Variants in GOT2 observed in about 807,000 individuals in gnomAD.
GOT2 encodes glutamic-oxaloacetic transaminase 2.
In GOT2, 17 loss-of-function variants were observed where a neutral mutation model predicts 50.0. The ratio of observed to expected loss-of-function variants is 0.34; its 90% CI spans 0.23 to 0.51. The LOEUF (loss-of-function observed/expected upper bound fraction) is 0.51, where lower values mean the gene tolerates loss of function less well. Among genes scored for constraint, GOT2 ranks in the 20% least tolerant of loss-of-function variants. The pLI, the probability that GOT2 is intolerant of heterozygous loss-of-function variation, is 0.97. For missense variants in GOT2, 430 were observed against 559.6 expected, an observed-to-expected ratio of 0.77 and a Z score of 2.34; for synonymous variants, 172 against 204.9, an observed-to-expected ratio of 0.84 and a Z score of 1.37.
intron 1 of GOT2, among the ~76,000 whole-genome samples, chr16:58,725,005 C>T (rs1002093230): frequency 1.3e-5 from 2 of 152,144 alleles, no homozygotes; most frequent in Admixed American, 6.5e-5. Context: ...TGTAGGATGC[C>T]CCTCTACTGG....
At chr16:58,722,064 G>C (rs1437054671) in intron 3 of GOT2, 86 bp downstream of exon 3, 1 of 1,444,432 alleles carries the variant, frequency 6.9e-7, no homozygotes, top group Non-Finnish European at 9.6e-7. Context: ...ACAGGCGTGA[G>C]CCATCGCGCC....
intron 1 of GOT2, among the ~76,000 whole-genome samples, chr16:58,727,624 T>C (rs2044797999): frequency 6.6e-6 from 1 of 152,046 alleles, no homozygotes; most frequent in South Asian, 2.1e-4. Context: ...GATACACACC[T>C]ACCCAGGGCA....
Position 58,708,006 on chromosome 16 carries a change from T to C in GOT2, c.*165A>G. ...CATGGATGCCTCTGCCCTGTGTCAC[T>C]ACATGTTCTTTTCTGAGAAACATTC... On this transcript the variant is annotated 3_prime_UTR_variant, in exon 10 of 10. Transcript: ENST00000245206. 1.6e-6 allele frequency: 1 copy of C among 633,108 alleles called. No homozygotes were observed. Among genetic ancestry groups the C allele is most frequent in the Non-Finnish European group, 2.6e-6 (1 of 386,760 alleles). 39.2% of individuals were successfully genotyped at this position (633,108 alleles called of 1,614,324 possible).
chr16:58,733,455 G>A (rs2044851232), intron 1 of GOT2, among the ~76,000 whole-genome samples: 2 of 152,012 alleles, frequency 1.3e-5, no homozygotes, highest in Admixed American at 6.6e-5. Context: ...CCCTGCAACC[G>A]GACCTCCTTA....
At chr16:58,712,116 C>T (rs2044653714) in intron 8 of GOT2, among the ~76,000 whole-genome samples, 1 of 152,096 alleles carries the variant, frequency 6.6e-6, no homozygotes, top group South Asian at 2.1e-4. Context: ...CTCTTTAATG[C>T]ACAGCTCACA....
chr16:58,718,112 C>T, intron 6 of GOT2, 84 bp downstream of exon 6: 1 of 953,308 alleles, frequency 1.0e-6, no homozygotes, highest in South Asian at 1.3e-5. Context: ...GAGGTTAAGA[C>T]TCTCTGTTGA....
At chr16:58,722,377 T>C in intron 2 of GOT2, 99 bp from the exon 3 acceptor site, 1 of 1,267,702 alleles carries the variant, frequency 7.9e-7, no homozygotes, top group African/African-American at 1.5e-5. Flanking sequence ...GGAGGTAAAG[T>C]CTTTTTTTTT....
At chr16:58,713,509 A>C (rs969785248) in intron 8 of GOT2, among the ~76,000 whole-genome samples, 1 of 152,078 alleles carries the variant, frequency 6.6e-6, no homozygotes, top group African/African-American at 2.4e-5. Flanking sequence ...AACAAAACAA[A>C]ACAAAAAACA....
intron 6 of GOT2, 131 bp downstream of exon 6, chr16:58,718,065 C>A: frequency 1.4e-6 from 1 of 739,252 alleles, no homozygotes; most frequent in East Asian, 2.6e-5. Flanking sequence ...CCTTTTCTGG[C>A]AGCTTATCCA....
chr16:58,709,302 ACAAAAC>A, intron 9 of GOT2, 109 bp downstream of exon 9: 5 of 952,476 alleles, frequency 5.2e-6, no homozygotes, highest in Non-Finnish European at 6.1e-6. Flanking sequence ...ACAAAACAAA[ACAAAAC>A]AAAAAACCCG....
chr16:58,708,430 A>AAT, intron 9 of GOT2, 137 bp from the exon 10 acceptor site: 1 of 798,874 alleles, frequency 1.3e-6, no homozygotes, highest in Non-Finnish European at 1.9e-6. Context: ...GTTAGCTTGG[A>AAT]ATAAAATAAG....
At chr16:58,718,068 C>T in intron 6 of GOT2, 128 bp downstream of exon 6, 1 of 747,962 alleles carries the variant, frequency 1.3e-6, no homozygotes, top group Admixed American at 2.0e-5. Flanking sequence ...TTTCTGGCAG[C>T]TTATCCACCT....
intron 6 of GOT2, 100 bp from the exon 7 acceptor site, chr16:58,716,913 C>T (rs2044699978): frequency 9.3e-7 from 1 of 1,079,928 alleles, no homozygotes; most frequent in African/African-American, 1.6e-5. Flanking sequence ...GGGCATGGTC[C>T]CAATAAGCAC....
chr16:58,707,988 G>T lies in GOT2; in HGVS notation c.*183C>A. 2.3e-6 allele frequency: 1 copy of T among 442,446 alleles called. No homozygotes were observed. Among genetic ancestry groups the T allele is most frequent in the Non-Finnish European group, 3.8e-6 (1 of 261,668 alleles). The allele number at this position is 442,446 out of a possible 1,614,324, so 27.4% of individuals were successfully genotyped here. On this transcript the variant is annotated 3_prime_UTR_variant, in exon 10 of 10. Coordinates refer to ENST00000245206, the MANE Select transcript of GOT2 (RefSeq NM_002080.4). ...AATATTCCAGACGCCAGCCATGGAT[G>T]CCTCTGCCCTGTGTCACTACATGTT...
chr16:58,726,426 C>T (rs1462793016), intron 1 of GOT2, among the ~76,000 whole-genome samples: 4 of 152,090 alleles, frequency 2.6e-5, no homozygotes, highest in Admixed American at 2.6e-4. Context: ...CCTCATGATC[C>T]ACCCACCTCG....
At chr16:58,723,939 T>C in intron 1 of GOT2, 37 bp from the exon 2 acceptor site, 1 of 1,580,752 alleles carries the variant, frequency 6.3e-7, no homozygotes, top group Non-Finnish European at 8.7e-7. Context: ...TCCCATTAGC[T>C]AGATCCAAGA....
chr16:58,713,124 A>G lies in GOT2; in HGVS notation c.1019+2890T>C, dbSNP rs148993583. The stretch of plus-strand genomic sequence containing the variant: ...CAAAAACAAAAACACAAAAAACAAA[A>G]AAACCACACACACAAACAAAAAACA... On this transcript the variant is annotated intron_variant, in intron 8 of 9. Coordinates refer to ENST00000245206, the MANE Select transcript of GOT2 (RefSeq NM_002080.4). Among the ~76,000 whole-genome samples the G allele has an allele frequency of 6.4e-3, 971 of 152,296 alleles. 13 individuals carry two copies. Among genetic ancestry groups the G allele is most frequent in the African/African-American group, 0.022 (925 of 41,554 alleles).
chr16:58,716,062 GC>G lies in GOT2; in HGVS notation c.970del (p.Ala324ProfsTer8). 6.2e-7 allele frequency: 1 copy of G among 1,613,606 alleles called. No homozygotes were observed. The highest frequency in any genetic ancestry group is 8.5e-7 in the Non-Finnish European group (1 of 1,179,762). On this transcript the variant is annotated frameshift_variant, in exon 8 of 10. Transcript: ENST00000245206. LOFTEE classifies it high-confidence loss of function. ...GTTCAGAATGGCAGCAGCAATCCGGGCCCCATTGAGGGGAGGGTTGGAATAC... is the reference window on the plus strand; with the variant it reads ...GTTCAGAATGGCAGCAGCAATCCGGGCCCATTGAGGGGAGGGTTGGAATAC... ...PMYSNPPLNG[A>X]RIAAAILNTP... is the part of the protein sequence containing the mutation.
At chr16:58,719,297 C>T (rs1397487482) in intron 3 of GOT2, 42 bp from the exon 4 acceptor site, 2 of 1,423,860 alleles carry the variant, frequency 1.4e-6, no homozygotes, top group Non-Finnish European at 2.0e-6. Context: ...GCAACACTCT[C>T]TATACAGGCC....
Sources: gnomAD v4.1 joint callset for allele counts (sites outside exome capture counted in the v4.1 genomes callset) on GRCh38, gnomAD v4.1.1 for gene constraint, MANE v1.5 for transcripts, NCBI Gene and HGNC (gene_info 2026-07-23, HGNC 2026-07-21) for gene names.